Variants in KIF16B observed in about 807,000 individuals in gnomAD.
The protein encoded by KIF16B is kinesin-like protein KIF16B.
In KIF16B, 98 loss-of-function variants were observed where a neutral mutation model predicts 156.3. That is an observed-to-expected ratio of 0.63 (90% CI 0.53 to 0.74). KIF16B has a LOEUF of 0.74. Ranked by LOEUF, KIF16B falls within the 30% of genes least tolerant of loss-of-function variation. The pLI is 0.00. For synonymous variants in KIF16B, 564 were observed against 583.7 expected (o/e 0.97, Z 0.49); for missense variants, 1,421 against 1,606.5 (o/e 0.88, Z 1.97).
chr20:16,526,224 A>C lies in KIF16B; in HGVS notation c.118-19T>G. 1 of 1,394,888 alleles carries C rather than the reference A, an allele frequency of 7.2e-7. No individual in the cohort carries two copies. The highest frequency in any genetic ancestry group is 9.9e-7 in the Non-Finnish European group (1 of 1,005,698). 86.4% of individuals were successfully genotyped at this position (1,394,888 alleles called of 1,614,324 possible). A position where few individuals can be genotyped will look rare whatever the true frequency, so the allele number is the denominator to read the frequency against. ...CTGGTATCTAGAAAGAAATGATTAG[A>C]ATAATAATGATAATGTAAAGAGCAC... On this transcript the variant is annotated intron_variant, in intron 2 of 25. Transcript: ENST00000354981.
chr20:16,332,882 T>C (rs1349964393), intron 24 of KIF16B, among the ~76,000 whole-genome samples: 2 of 152,226 alleles, frequency 1.3e-5, no homozygotes, highest in African/African-American at 4.8e-5. Context: ...ATAGTTCTAA[T>C]TGGGTGTTTA....
intron 12 of KIF16B, among the ~76,000 whole-genome samples, chr20:16,493,107 T>A (rs770711702): frequency 2.6e-5 from 4 of 152,160 alleles, no homozygotes; most frequent in Non-Finnish European, 2.9e-5. Context: ...TATGACATTA[T>A]CATTGTAATC....
At chr20:16,315,932 G>A (rs570620860) in intron 24 of KIF16B, among the ~76,000 whole-genome samples, 1 of 152,302 alleles carries the variant, frequency 6.6e-6, no homozygotes, top group East Asian at 1.9e-4. Context: ...AGGCCATAAT[G>A]TAAAGTATAG....
At chr20:16,475,212 C>A (rs2067775840) in intron 12 of KIF16B, among the ~76,000 whole-genome samples, 1 of 152,186 alleles carries the variant, frequency 6.6e-6, no homozygotes, top group African/African-American at 2.4e-5. Context: ...CAAGCACTGA[C>A]ATAAGAGTAT....
chr20:16,391,484 A>C lies in KIF16B; in HGVS notation c.1785-9737T>G, dbSNP rs6043919. Among the ~76,000 whole-genome samples the C allele has an allele frequency of 2.1e-3, 320 of 152,334 alleles. 1 individual carries two copies. Among genetic ancestry groups the C allele is most frequent in the African/African-American group, 7.3e-3 (305 of 41,564 alleles). ...TACCAGTGTGGGGTTGAGCTAACTA[A>C]TACATAATGCGTATGCCGTGAGATA... On this transcript the variant is annotated intron_variant, in intron 17 of 25. Coordinates refer to ENST00000354981, the MANE Select transcript of KIF16B (RefSeq NM_024704.5).
chr20:16,394,741 A>G (rs2146191900), intron 17 of KIF16B, among the ~76,000 whole-genome samples: 1 of 152,254 alleles, frequency 6.6e-6, no homozygotes, highest in East Asian at 1.9e-4. Flanking sequence ...AAAAAAAAGG[A>G]TAAGACAAAT....
At chr20:16,359,453 T>C (rs1423878548) in intron 22 of KIF16B, among the ~76,000 whole-genome samples, 1 of 152,176 alleles carries the variant, frequency 6.6e-6, no homozygotes, top group Non-Finnish European at 1.5e-5. Context: ...AAGAAGCCAG[T>C]GCTATACTTT....
At chr20:16,411,314 AT>A (rs2146312779) in intron 15 of KIF16B, among the ~76,000 whole-genome samples, 1 of 152,050 alleles carries the variant, frequency 6.6e-6, no homozygotes, top group South Asian at 2.1e-4. Context: ...TCTATTTTTC[AT>A]TTATGTGTAT....
chr20:16,337,939 A>T (rs1226510798), intron 23 of KIF16B, among the ~76,000 whole-genome samples: 1 of 152,242 alleles, frequency 6.6e-6, no homozygotes, highest in African/African-American at 2.4e-5. Context: ...AGTAAGATGC[A>T]GGATGTTTCA....
chr20:16,310,688 T>G (rs2063606979), intron 25 of KIF16B, among the ~76,000 whole-genome samples: 1 of 152,218 alleles, frequency 6.6e-6, no homozygotes, highest in South Asian at 2.1e-4. Flanking sequence ...ATTTTTTTTG[T>G]ATGATACAAT....
chr20:16,505,408 G>A (rs2068744258), intron 9 of KIF16B, among the ~76,000 whole-genome samples: 1 of 151,824 alleles, frequency 6.6e-6, no homozygotes, highest in Non-Finnish European at 1.5e-5. Context: ...GGGTTATTTT[G>A]ACCTTGTGTT....
intron 19 of KIF16B, among the ~76,000 whole-genome samples, chr20:16,377,152 G>T (rs2064971753): frequency 6.6e-6 from 1 of 152,036 alleles, no homozygotes; most frequent in African/African-American, 2.4e-5. Context: ...GCCAAGGTGG[G>T]GTCTCCTGGC....
chr20:16,413,058 C>T (rs2065998718), intron 15 of KIF16B, among the ~76,000 whole-genome samples: 1 of 151,972 alleles, frequency 6.6e-6, no homozygotes, highest in South Asian at 2.1e-4. Context: ...TTCTAAGATT[C>T]CTTCCAGATC....
intron 22 of KIF16B, chr20:16,367,982 C>A: frequency 7.0e-7 from 1 of 1,437,078 alleles, no homozygotes; most frequent in East Asian, 2.5e-5. Context: ...CCGAGATTAT[C>A]TGACAGGACC....
At chr20:16,472,565 A>G (rs1163146809) in intron 12 of KIF16B, among the ~76,000 whole-genome samples, 1 of 151,638 alleles carries the variant, frequency 6.6e-6, no homozygotes, top group African/African-American at 2.4e-5. Context: ...AAAAAAAAAA[A>G]AAAAAAAAAA....
intron 22 of KIF16B, among the ~76,000 whole-genome samples, chr20:16,357,873 G>A (rs551010698): frequency 1.6e-4 from 24 of 152,252 alleles, no homozygotes; most frequent in African/African-American, 4.8e-4. Context: ...ATGGTACACC[G>A]ATTTAGCTAT....
chr20:16,289,668 C>T (rs982487905), intron 25 of KIF16B, among the ~76,000 whole-genome samples: 24 of 151,854 alleles, frequency 1.6e-4, no homozygotes, highest in African/African-American at 5.1e-4. Flanking sequence ...GGTGAAACCC[C>T]GTCTCTACTA....
intron 23 of KIF16B, among the ~76,000 whole-genome samples, chr20:16,341,392 G>A (rs945150622): frequency 3.9e-5 from 6 of 152,122 alleles, no homozygotes; most frequent in African/African-American, 7.2e-5. Flanking sequence ...GGTATCAGAG[G>A]AGTCTTTTTG....
At chr20:16,500,099 G>A (rs2068574216) in intron 10 of KIF16B, among the ~76,000 whole-genome samples, 1 of 152,100 alleles carries the variant, frequency 6.6e-6, no homozygotes, top group African/African-American at 2.4e-5. Context: ...AGGTGAAAAG[G>A]ACATCCTGTT....
Sources: allele counts gnomAD v4.1 joint callset (sites outside exome capture counted in the v4.1 genomes callset), GRCh38; gene constraint gnomAD v4.1.1; transcripts MANE v1.5; gene names NCBI Gene and HGNC (gene_info 2026-07-23, HGNC 2026-07-21).